The following TNS3 variants were observed in gnomAD, a reference collection of about 807,000 sequenced individuals.
TNS3 encodes tensin 3.
A neutral mutation model predicts 140.9 loss-of-function variants in TNS3; 45 were observed. The observed-to-expected ratio is 0.32, with a 90% CI of 0.25 to 0.41. The LOEUF (loss-of-function observed/expected upper bound fraction) is 0.41, where lower values mean the gene tolerates loss of function less well. TNS3 is among the 10% of genes least tolerant of loss of function. TNS3 has a pLI of 1.00. For missense variants in TNS3, 1,716 were observed against 1,906.7 expected (o/e 0.90, Z 1.86); for synonymous variants, 815 against 788.4 (o/e 1.03, Z -0.56).
intron 4 of TNS3, among the ~76,000 whole-genome samples, chr7:47,463,348 G>T (rs1476530948): frequency 1.3e-5 from 2 of 152,198 alleles, no homozygotes; most frequent in East Asian, 1.9e-4. Flanking sequence ...GGAGGCTGGG[G>T]CATGAGAATC....
chr7:47,484,747 A>G (rs895833200), intron 3 of TNS3, among the ~76,000 whole-genome samples: 12 of 152,154 alleles, frequency 7.9e-5, no homozygotes, highest in Non-Finnish European at 1.6e-4. Context: ...GGATGGAGCC[A>G]GGTAAGGGAG....
At chr7:47,463,523 C>G (rs1315970373) in intron 4 of TNS3, among the ~76,000 whole-genome samples, 1 of 152,172 alleles carries the variant, frequency 6.6e-6, no homozygotes, top group African/African-American at 2.4e-5. Context: ...GACTGTCTAA[C>G]ACATGCGCTT....
At chr7:47,440,762 G>A (rs549997423) in intron 5 of TNS3, among the ~76,000 whole-genome samples, 1 of 152,332 alleles carries the variant, frequency 6.6e-6, no homozygotes, top group South Asian at 2.1e-4. Flanking sequence ...CCCCCATGAG[G>A]TAAAGCCAGA....
rs573815210 is a variant in TNS3, at chr7:47,287,147, C to T, written c.3929-3282G>A. ...ACCTACCATATGCTAAAAAATGCAA[C>T]TGCAACATTTCTGGGAAATCTATTA... is the stretch of plus-strand genomic sequence containing the variant. On this transcript the variant is annotated intron_variant, in intron 27 of 30. Coordinates refer to ENST00000311160, the MANE Select transcript of TNS3 (RefSeq NM_022748.12). 4.0e-5 allele frequency among the ~76,000 whole-genome samples: 6 copies of T among 151,026 alleles called. No individual in the cohort carries two copies. In the East Asian group the frequency reaches 7.8e-4, roughly 20 times the overall value.
chr7:47,346,491 C>T, intron 17 of TNS3, 135 bp from the exon 18 acceptor site: 2 of 1,104,926 alleles, frequency 1.8e-6, no homozygotes, highest in South Asian at 1.6e-5. Context: ...TGGGAAGATG[C>T]TGTGGTTGCT....
chr7:47,572,475 C>T (rs1562863539), intron 1 of TNS3, among the ~76,000 whole-genome samples: 1 of 146,356 alleles, frequency 6.8e-6, no homozygotes, highest in Non-Finnish European at 1.5e-5. Flanking sequence ...CCAGTTGTCG[C>T]AAAATCTCTA....
intron 20 of TNS3, among the ~76,000 whole-genome samples, chr7:47,341,723 G>C (rs1789029455): frequency 6.6e-6 from 1 of 151,514 alleles, no homozygotes; most frequent in Non-Finnish European, 1.5e-5. Context: ...TTAAATTTCT[G>C]CTTAGATTTT....
intron 16 of TNS3, among the ~76,000 whole-genome samples, chr7:47,370,187 A>T (rs1790975614): frequency 6.6e-6 from 1 of 152,128 alleles, no homozygotes; most frequent in Admixed American, 6.5e-5. Context: ...GAGTCAGGAG[A>T]ATCACTTGAA....
At chr7:47,523,127 C>T (rs1207682553) in intron 2 of TNS3, among the ~76,000 whole-genome samples, 1 of 152,046 alleles carries the variant, frequency 6.6e-6, no homozygotes, top group Non-Finnish European at 1.5e-5. Flanking sequence ...CTGGGGAAGA[C>T]CCACTTCCTG....
At chr7:47,357,935 G>A (rs1449093649) in intron 17 of TNS3, among the ~76,000 whole-genome samples, 1 of 152,130 alleles carries the variant, frequency 6.6e-6, no homozygotes, top group East Asian at 1.9e-4. Context: ...CCCATGTTTT[G>A]TAAGTCAACT....
In TNS3 at chr7:47,487,942, T is replaced by C. The variant is rs115984482; in HGVS notation, c.-114-6801A>G. On this transcript the variant is annotated intron_variant, in intron 3 of 30. Transcript: ENST00000311160. ...GTAACCTACCTCTGAGGCCCTGAAC[T>C]AGCCAGGGAAAAACAGATACGGACG... 6.6e-3 allele frequency among the ~76,000 whole-genome samples: 1,012 copies of C among 152,234 alleles called. 6 individuals are homozygous for C. The highest frequency in any genetic ancestry group is 0.023 in the African/African-American group (951 of 41,542).
chr7:47,440,377 C>A (rs1795407326), intron 5 of TNS3, among the ~76,000 whole-genome samples: 1 of 152,162 alleles, frequency 6.6e-6, no homozygotes, highest in African/African-American at 2.4e-5. Flanking sequence ...TGGGACCCCA[C>A]CCAGCTAGCC....
At chr7:47,507,788 G>A (rs1798474320) in intron 2 of TNS3, among the ~76,000 whole-genome samples, 2 of 152,170 alleles carry the variant, frequency 1.3e-5, no homozygotes, top group Admixed American at 6.5e-5. Flanking sequence ...AGCCTCCTGT[G>A]CCAGCTCCAA....
At chr7:47,423,961 C>T in intron 10 of TNS3, 140 bp downstream of exon 10, 1 of 835,406 alleles carries the variant, frequency 1.2e-6, no homozygotes, top group Non-Finnish European at 1.9e-6. Context: ...GTCTCCCCAC[C>T]ACCTTCACAG....
chr7:47,354,715 G>A (rs141702370), intron 17 of TNS3, among the ~76,000 whole-genome samples: 202 of 152,282 alleles, frequency 1.3e-3, no homozygotes, highest in African/African-American at 4.7e-3. Context: ...CCGGTGATCT[G>A]CAGGTGATGT....
At chr7:47,467,497 G>T (rs1423395542) in intron 4 of TNS3, among the ~76,000 whole-genome samples, 3 of 152,176 alleles carry the variant, frequency 2.0e-5, no homozygotes, top group African/African-American at 7.2e-5. Flanking sequence ...TGCACCAGGA[G>T]AATGAGACAA....
chr7:47,532,141 C>G (rs565572102), intron 1 of TNS3, among the ~76,000 whole-genome samples: 2 of 152,314 alleles, frequency 1.3e-5, no homozygotes, highest in African/African-American at 2.4e-5. Flanking sequence ...CCCGGCCCCC[C>G]ACCTCTCATC....
At chr7:47,480,053 A>G (rs1336547612) in intron 4 of TNS3, among the ~76,000 whole-genome samples, 2 of 152,192 alleles carry the variant, frequency 1.3e-5, no homozygotes, top group Non-Finnish European at 2.9e-5. Context: ...CAAAGCAGGG[A>G]AGCTGCCACA....
chr7:47,335,667 C>T (rs183692292), intron 20 of TNS3, among the ~76,000 whole-genome samples: 2 of 152,246 alleles, frequency 1.3e-5, no homozygotes, highest in Non-Finnish European at 2.9e-5. Flanking sequence ...CTCAGGGAAC[C>T]GCCCTTCATA....
Sources: allele counts gnomAD v4.1 joint callset (sites outside exome capture counted in the v4.1 genomes callset), GRCh38; gene constraint gnomAD v4.1.1; transcripts MANE v1.5; gene names NCBI Gene and HGNC (gene_info 2026-07-23, HGNC 2026-07-21).